The following OPCML variants were observed in gnomAD, a reference collection of about 807,000 sequenced individuals.
The protein encoded by OPCML is opioid binding protein/cell adhesion molecule like.
In OPCML, 13 loss-of-function variants were observed where a neutral mutation model predicts 37.8. That is an observed-to-expected ratio of 0.34 (90% CI 0.22 to 0.55). The LOEUF (loss-of-function observed/expected upper bound fraction) is 0.55, where lower values mean the gene tolerates loss of function less well. Ranked by LOEUF, OPCML falls within the 20% of genes least tolerant of loss-of-function variation. The pLI is 0.91. For synonymous variants in OPCML, 176 were observed against 168.8 expected (o/e 1.04, Z -0.33); for missense variants, 341 against 435.6 (o/e 0.78, Z 1.93).
At chr11:132,515,774 A>G (rs975078910) in intron 4 of OPCML, among the ~76,000 whole-genome samples, 3 of 152,166 alleles carry the variant, frequency 2.0e-5, no homozygotes, top group African/African-American at 4.8e-5. Context: ...TCACACTACC[A>G]TCATTTCTAG....
At chr11:133,065,102 GCC>G (rs1948419627) in intron 1 of OPCML, 1 of 152,192 alleles carries the variant, frequency 6.6e-6, no homozygotes, top group African/African-American at 2.4e-5. Flanking sequence ...GGTGCTTGAA[GCC>G]CCAGGACCCC....
intron 1 of OPCML, among the ~76,000 whole-genome samples, chr11:133,058,110 T>A (rs752239614): frequency 2.0e-5 from 3 of 152,134 alleles, no homozygotes; most frequent in Non-Finnish European, 2.9e-5. Flanking sequence ...TTGGAGAATT[T>A]TAAACTGAGT....
In OPCML at chr11:133,034,388, G is replaced by A. The variant is rs187058716; in HGVS notation, c.62-91378C>T. 5.5e-4 allele frequency among the ~76,000 whole-genome samples: 83 copies of A among 151,636 alleles called. 1 individual carries two copies. The highest frequency in any genetic ancestry group is 5.3e-3 in the Admixed American group (81 of 15,212). On this transcript the variant is annotated intron_variant, in intron 1 of 7. Coordinates refer to ENST00000524381, the MANE Select transcript of OPCML (RefSeq NM_001012393.5). ...GACAGAGGGAATGCATGCAAGTGCT[G>A]TATATGACACTGAAAAGCCAGTTGC... is the stretch of plus-strand genomic sequence containing the variant.
At chr11:132,672,412 G>C (rs1456155276) in intron 2 of OPCML, among the ~76,000 whole-genome samples, 1 of 152,164 alleles carries the variant, frequency 6.6e-6, no homozygotes, top group Non-Finnish European at 1.5e-5. Flanking sequence ...GGGTCCTAAA[G>C]TACTCAATCT....
intron 3 of OPCML, among the ~76,000 whole-genome samples, chr11:132,553,144 T>G (rs1299043811): frequency 1.3e-5 from 2 of 152,200 alleles, no homozygotes; most frequent in African/African-American, 4.8e-5. Context: ...CTTACGGTCT[T>G]TACCCAAATG....
At chr11:133,143,588 CT>C (rs1949856203) in intron 1 of OPCML, among the ~76,000 whole-genome samples, 1 of 152,194 alleles carries the variant, frequency 6.6e-6, no homozygotes, top group African/African-American at 2.4e-5. Context: ...CACTTAGGAT[CT>C]TTTAGAATAA....
intron 2 of OPCML, among the ~76,000 whole-genome samples, chr11:132,830,890 G>A (rs950863769): frequency 6.6e-6 from 1 of 152,150 alleles, no homozygotes; most frequent in African/African-American, 2.4e-5. Context: ...TTGATATTCA[G>A]CAATATTGAG....
At chr11:133,178,807 G>C (rs1937682851) in intron 1 of OPCML, among the ~76,000 whole-genome samples, 1 of 152,162 alleles carries the variant, frequency 6.6e-6, no homozygotes, top group Admixed American at 6.5e-5. Context: ...ACATAATTGA[G>C]TTGATTGCTC....
chr11:132,692,603 A>G (rs1427661872), intron 2 of OPCML, among the ~76,000 whole-genome samples: 1 of 152,204 alleles, frequency 6.6e-6, no homozygotes, highest in Non-Finnish European at 1.5e-5. Flanking sequence ...GCAATAGAAA[A>G]TAAACCACAG....
intron 1 of OPCML, among the ~76,000 whole-genome samples, chr11:133,281,965 A>C (rs1565546969): frequency 6.6e-6 from 1 of 152,152 alleles, no homozygotes; most frequent in African/African-American, 2.4e-5. Context: ...CAAAGCATTC[A>C]AGAAGTGGTG....
chr11:132,457,737 A>C (rs2096087336), intron 4 of OPCML, among the ~76,000 whole-genome samples: 1 of 152,160 alleles, frequency 6.6e-6, no homozygotes, highest in Non-Finnish European at 1.5e-5. Context: ...TTCAGGGCTA[A>C]AGCACTCCTG....
intron 3 of OPCML, among the ~76,000 whole-genome samples, chr11:132,552,054 G>A (rs903762318): frequency 8.6e-5 from 13 of 152,038 alleles, no homozygotes; most frequent in African/African-American, 2.7e-4. Context: ...GCACTTGTTC[G>A]CAAATGTGAG....
chr11:133,046,104 C>T (rs994238603), intron 1 of OPCML, among the ~76,000 whole-genome samples: 2 of 152,160 alleles, frequency 1.3e-5, no homozygotes, highest in African/African-American at 2.4e-5. Context: ...GCCCGAGATT[C>T]GACCTGGGGA....
intron 2 of OPCML, among the ~76,000 whole-genome samples, chr11:132,680,333 C>G (rs1223604968): frequency 2.0e-5 from 3 of 152,188 alleles, no homozygotes; most frequent in Non-Finnish European, 4.4e-5. Context: ...TCTGAGTCAT[C>G]ATCAGCATCA....
At chr11:132,972,508 A>G (rs1447295965) in intron 1 of OPCML, among the ~76,000 whole-genome samples, 1 of 152,032 alleles carries the variant, frequency 6.6e-6, no homozygotes, top group Middle Eastern at 3.4e-3. Context: ...CCCATTATTC[A>G]TTTTCTGGTG....
chr11:132,622,946 CCCTCAACTT>C (rs1404545583), intron 3 of OPCML, among the ~76,000 whole-genome samples: 2 of 152,154 alleles, frequency 1.3e-5, no homozygotes, highest in Non-Finnish European at 2.9e-5. Flanking sequence ...ATCTCTTTGA[CCCTCAACTT>C]CCTCAACTCT....
At chr11:132,716,338 A>G (rs1944474947) in intron 2 of OPCML, among the ~76,000 whole-genome samples, 1 of 152,178 alleles carries the variant, frequency 6.6e-6, no homozygotes. Flanking sequence ...CTGCTAAAAG[A>G]CTGTGGGAAC....
At chr11:132,768,532 CT>C (rs1164045223) in intron 2 of OPCML, among the ~76,000 whole-genome samples, 1 of 152,170 alleles carries the variant, frequency 6.6e-6, no homozygotes, top group Admixed American at 6.5e-5. Flanking sequence ...ACTGAGTGCT[CT>C]CATTATTTAA....
intron 1 of OPCML, among the ~76,000 whole-genome samples, chr11:133,279,752 C>G (rs1382586271): frequency 2.0e-5 from 3 of 152,004 alleles, no homozygotes; most frequent in Non-Finnish European, 2.9e-5. Context: ...GAAAATTTCT[C>G]TTATTTCAAT....
Sources: gnomAD v4.1 joint callset for allele counts (sites outside exome capture counted in the v4.1 genomes callset) on GRCh38, gnomAD v4.1.1 for gene constraint, MANE v1.5 for transcripts, NCBI Gene and HGNC (gene_info 2026-07-23, HGNC 2026-07-21) for gene names.